Variants in CTNNA2 observed in about 807,000 individuals in gnomAD.
The protein encoded by CTNNA2 is catenin alpha 2, also known as catenin alpha-2.
A neutral mutation model predicts 101.0 loss-of-function variants in CTNNA2; 42 were observed. That is an observed-to-expected ratio of 0.42 (90% CI 0.32 to 0.54). The LOEUF (loss-of-function observed/expected upper bound fraction) is 0.54. Ranked by LOEUF, CTNNA2 falls within the 20% of genes least tolerant of loss-of-function variation. CTNNA2 has a pLI of 0.14. For synonymous variants in CTNNA2, 450 were observed against 456.4 expected (o/e 0.99, Z 0.18); for missense variants, 871 against 1,223.1 (o/e 0.71, Z 4.29).
intron 3 of CTNNA2, among the ~76,000 whole-genome samples, chr2:79,751,106 G>T (rs924036500): frequency 4.6e-5 from 7 of 152,030 alleles, no homozygotes; most frequent in Non-Finnish European, 1.5e-5. Flanking sequence ...CAAGAAGGAG[G>T]TAATATTTAA....
Position 79,977,222 on chromosome 2 carries a change from GCACACACACA to G in CTNNA2, c.1056+67451_1056+67460del, listed in dbSNP as rs72018840. Reference sequence around the variant, plus strand: ...CACACACGTGCACATGCATATGCATGCACACACACACACACACACACACACACACACACAC... The same window carrying G: ...CACACACGTGCACATGCATATGCATGCACACACACACACACACACACACAC... On this transcript the variant is annotated intron_variant, in intron 7 of 18. Transcript: ENST00000402739. 2.4e-3 allele frequency among the ~76,000 whole-genome samples: 344 copies of G among 144,836 alleles called. 7 individuals are homozygous for G. The East Asian group carries it at 0.063, about 27-fold the overall frequency.
chr2:79,968,125 AGTG>A (rs1690208583), intron 7 of CTNNA2, among the ~76,000 whole-genome samples: 1 of 152,134 alleles, frequency 6.6e-6, no homozygotes, highest in Non-Finnish European at 1.5e-5. Flanking sequence ...ACTAGATAGA[AGTG>A]GTGGTTGCAC....
chr2:79,607,693 AGGAAATTATAAAAT>A (rs1401503752), intron 1 of CTNNA2, among the ~76,000 whole-genome samples: 1 of 152,140 alleles, frequency 6.6e-6, no homozygotes, highest in Non-Finnish European at 1.5e-5. Context: ...CAACTCTAAA[AGGAAATTATAAAAT>A]GTTTTAAGTT....
intron 9 of CTNNA2, among the ~76,000 whole-genome samples, chr2:80,431,899 GT>G (rs924287306): frequency 2.0e-5 from 3 of 149,006 alleles, no homozygotes; most frequent in African/African-American, 4.9e-5. Context: ...CAACTTTTTG[GT>G]TTTTTTTTTC....
chr2:80,354,401 C>G (rs1673588591), intron 7 of CTNNA2, among the ~76,000 whole-genome samples: 1 of 151,982 alleles, frequency 6.6e-6, no homozygotes, highest in African/African-American at 2.4e-5. Flanking sequence ...AATCACTCAC[C>G]CACTAGAAGC....
rs10547196 is a variant in CTNNA2, at chr2:79,915,306, A to AAC, written c.1056+5533_1056+5534dup. Among the ~76,000 whole-genome samples, 358 of 149,422 alleles carry AAC rather than the reference A, an allele frequency of 2.4e-3. 1 individual carries two copies. The highest frequency in any genetic ancestry group is 2.6e-3 in the Non-Finnish European group (177 of 67,390). On this transcript the variant is annotated intron_variant, in intron 7 of 18. Coordinates refer to ENST00000402739, the MANE Select transcript of CTNNA2 (RefSeq NM_001282597.3). ...AGTGGTATATTTACACACACACACA[A>AAC]ACACACACACACACACACACACACA...
chr2:79,863,152 A>C (rs1681758409), intron 4 of CTNNA2, among the ~76,000 whole-genome samples: 1 of 85,750 alleles, frequency 1.2e-5, no homozygotes, highest in East Asian at 1.0e-3. Context: ...ACAAACAACA[A>C]AAAAAAGTTC....
chr2:80,305,698 C>A (rs1343105484), intron 7 of CTNNA2, among the ~76,000 whole-genome samples: 1 of 151,904 alleles, frequency 6.6e-6, no homozygotes, highest in African/African-American at 2.4e-5. Context: ...GAGCTCTCCC[C>A]CCACCTCCCC....
intron 3 of CTNNA2, among the ~76,000 whole-genome samples, chr2:79,798,362 G>A (rs1235563271): frequency 6.6e-6 from 1 of 152,072 alleles, no homozygotes; most frequent in Non-Finnish European, 1.5e-5. Flanking sequence ...TGGGTTTCAG[G>A]ACTTTCCAAT....
At chr2:79,514,576 G>T (rs1273753710) in intron 1 of CTNNA2, 1 of 152,100 alleles carries the variant, frequency 6.6e-6, no homozygotes, top group Non-Finnish European at 1.5e-5. Flanking sequence ...ACATGTTATT[G>T]GCAATTTGAC....
intron 2 of CTNNA2, among the ~76,000 whole-genome samples, chr2:79,294,241 G>GAAGAAGAAGAAGAAGAA (rs397973299): frequency 3.0e-5 from 4 of 133,156 alleles, no homozygotes; most frequent in Admixed American, 2.2e-4. Context: ...AAGAAGAAGA[G>GAAGAAGAAGAAGAAGAA]GAGGAGGAGG....
At chr2:79,574,077 C>A (rs1189340983) in intron 1 of CTNNA2, 1 of 153,680 alleles carries the variant, frequency 6.5e-6, no homozygotes, top group Non-Finnish European at 1.5e-5. Flanking sequence ...CTGTAAGCAT[C>A]TGGTCACATT....
intron 7 of CTNNA2, among the ~76,000 whole-genome samples, chr2:80,343,065 T>A (rs187332858): frequency 7.3e-4 from 111 of 152,280 alleles, no homozygotes; most frequent in African/African-American, 2.4e-3. Context: ...CCCTTTTCTA[T>A]GAGGAAACAG....
intron 4 of CTNNA2, among the ~76,000 whole-genome samples, chr2:79,502,988 G>C (rs1012341181): frequency 6.6e-6 from 1 of 152,108 alleles, no homozygotes; most frequent in Non-Finnish European, 1.5e-5. Flanking sequence ...TTACCAAAGC[G>C]ATTTGACTAC....
intron 7 of CTNNA2, among the ~76,000 whole-genome samples, chr2:80,262,644 C>T (rs1376633818): frequency 6.6e-6 from 1 of 152,060 alleles, no homozygotes; most frequent in Non-Finnish European, 1.5e-5. Context: ...ATATGCATTC[C>T]GGGGTCCTAT....
At chr2:80,015,270 T>A (rs1216766153) in intron 7 of CTNNA2, among the ~76,000 whole-genome samples, 6 of 152,170 alleles carry the variant, frequency 3.9e-5, no homozygotes, top group African/African-American at 1.4e-4. Flanking sequence ...TTTGGCCTGC[T>A]TGTGTACCTG....
chr2:80,434,485 CT>C (rs1169944635), intron 9 of CTNNA2, among the ~76,000 whole-genome samples: 9,817 of 90,294 alleles, frequency 0.11, 167 homozygotes, highest in East Asian at 0.35. Context: ...TTCTGTGTCT[CT>C]TTTTTTTTTT....
At chr2:79,913,236 G>A (rs76725697) in intron 7 of CTNNA2, among the ~76,000 whole-genome samples, 2,318 of 152,288 alleles carry the variant, frequency 0.015, 172 homozygotes, top group Admixed American at 0.12. Context: ...AGGAAGGTGC[G>A]TTGAAAGGAT....
chr2:80,201,938 TG>T (rs918078794), intron 7 of CTNNA2, among the ~76,000 whole-genome samples: 1 of 152,206 alleles, frequency 6.6e-6, no homozygotes, highest in African/African-American at 2.4e-5. Context: ...TACATTTTAA[TG>T]GGCCTAATTT....
Sources: gnomAD v4.1 joint callset for allele counts (sites outside exome capture counted in the v4.1 genomes callset) on GRCh38, gnomAD v4.1.1 for gene constraint, MANE v1.5 for transcripts, NCBI Gene and HGNC (gene_info 2026-07-23, HGNC 2026-07-21) for gene names.